The following ANKRD44 variants were observed in gnomAD, a reference collection of about 807,000 sequenced individuals.
ANKRD44 encodes ankyrin repeat domain 44, also known as serine/threonine-protein phosphatase 6 regulatory ankyrin repeat subunit B.
A neutral mutation model predicts 116.0 loss-of-function variants in ANKRD44; 35 were observed. The ratio of observed to expected loss-of-function variants is 0.30; its 90% CI spans 0.23 to 0.40. ANKRD44 has a LOEUF of 0.40. Ranked by LOEUF, ANKRD44 falls within the 10% of genes least tolerant of loss-of-function variation. The probability of loss-of-function intolerance (pLI) is 1.00; values close to 1 mark genes in which losing one functional copy is unlikely to be tolerated. For missense variants in ANKRD44, 1,014 were observed against 1,242.6 expected (o/e 0.82, Z 2.77); for synonymous variants, 435 against 461.8 (o/e 0.94, Z 0.74).
At chr2:197,217,982 A>G (rs2081489489) in intron 1 of ANKRD44, among the ~76,000 whole-genome samples, 1 of 152,206 alleles carries the variant, frequency 6.6e-6, no homozygotes, top group African/African-American at 2.4e-5. Flanking sequence ...ATTGATGGAT[A>G]GAATAAGATG....
At chr2:197,117,201 A>G (rs1023925393) in intron 8 of ANKRD44, among the ~76,000 whole-genome samples, 2 of 151,696 alleles carry the variant, frequency 1.3e-5, no homozygotes, top group Non-Finnish European at 1.5e-5. Flanking sequence ...TCTTTGCCGG[A>G]TTTCTTTCTT....
At chr2:197,300,000 G>C (rs2083849280) in intron 1 of ANKRD44, among the ~76,000 whole-genome samples, 1 of 152,152 alleles carries the variant, frequency 6.6e-6, no homozygotes, top group Non-Finnish European at 1.5e-5. Context: ...ATCCAAGCCA[G>C]GGGTATCATG....
chr2:197,078,028 T>A (rs1383488502), intron 16 of ANKRD44: 1 of 152,190 alleles, frequency 6.6e-6, no homozygotes, highest in Non-Finnish European at 1.5e-5. Flanking sequence ...GTTATTTCTA[T>A]ACAAAGAAGG....
intron 2 of ANKRD44, among the ~76,000 whole-genome samples, chr2:197,159,360 A>C (rs1665038697): frequency 6.6e-6 from 1 of 152,234 alleles, no homozygotes; most frequent in Non-Finnish European, 1.5e-5. Context: ...AGATGTTAAC[A>C]CTAATTATCT....
intron 16 of ANKRD44, among the ~76,000 whole-genome samples, chr2:197,027,301 G>T (rs1256979930): frequency 6.6e-6 from 1 of 152,154 alleles, no homozygotes; most frequent in East Asian, 1.9e-4. Flanking sequence ...GGTGGAGGTG[G>T]CCGTGAGCTG....
intron 1 of ANKRD44, among the ~76,000 whole-genome samples, chr2:197,261,275 C>A (rs1370550877): frequency 6.6e-6 from 1 of 151,622 alleles, no homozygotes; most frequent in Non-Finnish European, 1.5e-5. Flanking sequence ...GGAAGGGATC[C>A]AGTTTCAGCT....
intron 17 of ANKRD44, 99 bp from the exon 18 acceptor site, chr2:197,013,811 AC>A: frequency 8.3e-7 from 1 of 1,204,884 alleles, no homozygotes; most frequent in Non-Finnish European, 1.2e-6. Context: ...ATGGATAGAG[AC>A]CACTCCCAAG....
At chr2:197,133,111 G>T (rs1486687405) in intron 4 of ANKRD44, among the ~76,000 whole-genome samples, 1 of 152,198 alleles carries the variant, frequency 6.6e-6, no homozygotes, top group Non-Finnish European at 1.5e-5. Flanking sequence ...TTCACATGAT[G>T]ACACTAATCG....
At chr2:197,240,133 G>A (rs1008814573) in intron 1 of ANKRD44, among the ~76,000 whole-genome samples, 1 of 152,002 alleles carries the variant, frequency 6.6e-6, no homozygotes, top group African/African-American at 2.4e-5. Context: ...TTAGCATTTT[G>A]GGAGCCAGAG....
At chr2:197,295,927 T>C (rs2083708533) in intron 1 of ANKRD44, among the ~76,000 whole-genome samples, 1 of 152,112 alleles carries the variant, frequency 6.6e-6, no homozygotes, top group East Asian at 1.9e-4. Context: ...TGGAGGTACA[T>C]GCCTGTAGTC....
At chr2:196,983,099 C>T (rs1284817683), downstream of ANKRD44, among the ~76,000 whole-genome samples, 6 of 151,960 alleles carry the variant, frequency 3.9e-5, no homozygotes, top group Admixed American at 1.3e-4. Context: ...ACCTAGATGA[C>T]GGGTTGATAG....
chr2:197,088,188 A>C (rs1177277028), intron 12 of ANKRD44, among the ~76,000 whole-genome samples: 1 of 152,208 alleles, frequency 6.6e-6, no homozygotes, highest in Non-Finnish European at 1.5e-5. Flanking sequence ...TTCTCTTTAC[A>C]ACTTTAAAAA....
intron 1 of ANKRD44, among the ~76,000 whole-genome samples, chr2:197,248,298 G>C (rs1250801551): frequency 1.3e-5 from 2 of 151,678 alleles, no homozygotes; most frequent in Non-Finnish European, 2.9e-5. Context: ...GAAAAAAAAA[G>C]ACTGGCCATC....
chr2:197,063,450 G>A (rs938573906), intron 16 of ANKRD44, among the ~76,000 whole-genome samples: 10 of 152,226 alleles, frequency 6.6e-5, no homozygotes, highest in African/African-American at 9.6e-5. Context: ...AAAGCTGGAC[G>A]GAGAACGACT....
chr2:197,236,411 A>G (rs2081978247), intron 1 of ANKRD44, among the ~76,000 whole-genome samples: 1 of 152,176 alleles, frequency 6.6e-6, no homozygotes, highest in Non-Finnish European at 1.5e-5. Context: ...CAAATGGTAG[A>G]GCCCGGACTC....
At chr2:197,050,213 A>G (rs2125006639) in intron 16 of ANKRD44, among the ~76,000 whole-genome samples, 1 of 152,184 alleles carries the variant, frequency 6.6e-6, no homozygotes, top group Non-Finnish European at 1.5e-5. Flanking sequence ...CACTATCACA[A>G]TGACAACACC....
Position 196,971,324 on chromosome 2 carries a change from C to T in ANKRD44, c.2369-3878G>A, listed in dbSNP as rs79813682. Among the ~76,000 whole-genome samples the T allele has an allele frequency of 2.3e-3, 352 of 152,270 alleles. 1 individual carries two copies. The highest frequency in any genetic ancestry group is 7.7e-3 in the African/African-American group (321 of 41,566). On this transcript the variant is annotated intron_variant, in intron 21 of 21. Coordinates refer to the ANKRD44 transcript ENST00000424317. ...CTGCAACTTGCTTTTTCAAACCATA[C>T]TTGATATTTCTTAACCACATTTATT...
At chr2:197,023,192 C>T (rs1225017129) in intron 17 of ANKRD44, among the ~76,000 whole-genome samples, 2 of 152,208 alleles carry the variant, frequency 1.3e-5, no homozygotes, top group East Asian at 3.9e-4. Context: ...TTAACTCATG[C>T]CATCTCCACA....
intron 8 of ANKRD44, among the ~76,000 whole-genome samples, chr2:197,120,310 A>C (rs890855848): frequency 6.6e-6 from 1 of 152,166 alleles, no homozygotes; most frequent in Non-Finnish European, 1.5e-5. Context: ...GATTGTGATG[A>C]CCAGCTCAGT....
Sources: allele counts gnomAD v4.1 joint callset (sites outside exome capture counted in the v4.1 genomes callset), GRCh38; gene constraint gnomAD v4.1.1; transcripts MANE v1.5; gene names NCBI Gene and HGNC (gene_info 2026-07-23, HGNC 2026-07-21).